Variants in SEMA3D observed in about 807,000 individuals in gnomAD.
The protein encoded by SEMA3D is semaphorin 3D.
SEMA3D carries 84 observed loss-of-function variants against 100.1 expected under a neutral mutation model. The observed-to-expected ratio is 0.84, with a 90% CI of 0.70 to 1.01. SEMA3D has a LOEUF of 1.01. Ranked by LOEUF, SEMA3D falls within the 50% of genes least tolerant of loss-of-function variation. The pLI, the probability that SEMA3D is intolerant of heterozygous loss-of-function variation, is 0.00. For synonymous variants in SEMA3D, 312 were observed against 320.7 expected (o/e 0.97, Z 0.29); for missense variants, 875 against 934.1 (o/e 0.94, Z 0.82).
chr7:85,024,340 A>G (rs1233760364), intron 12 of SEMA3D, among the ~76,000 whole-genome samples: 1 of 151,332 alleles, frequency 6.6e-6, no homozygotes, highest in Non-Finnish European at 1.5e-5. Flanking sequence ...AAGCCCTCCA[A>G]CTTAAGAAAA....
At chr7:85,141,591 T>G in intron 2 of SEMA3D, 1 of 984,096 alleles carries the variant, frequency 1.0e-6, no homozygotes. Flanking sequence ...TAAGTTCCCT[T>G]CTTTGTGATC....
intron 18 of SEMA3D, among the ~76,000 whole-genome samples, chr7:85,001,497 A>G (rs1789654428): frequency 1.3e-5 from 2 of 152,216 alleles, no homozygotes; most frequent in South Asian, 4.1e-4. Flanking sequence ...TCTTAAACAT[A>G]ACTGACAATC....
intron 4 of SEMA3D, among the ~76,000 whole-genome samples, chr7:85,097,509 T>A (rs1788597231): frequency 6.6e-6 from 1 of 151,886 alleles, no homozygotes; most frequent in South Asian, 2.1e-4. Flanking sequence ...AGTCTCAAAC[T>A]TTCCATTTCT....
At chr7:85,090,593 A>T (rs1482663744) in intron 4 of SEMA3D, among the ~76,000 whole-genome samples, 1 of 152,186 alleles carries the variant, frequency 6.6e-6, no homozygotes, top group Non-Finnish European at 1.5e-5. Context: ...TTTAAGTGAG[A>T]AGGTTATTTA....
chr7:85,028,218 A>G, intron 12 of SEMA3D: 1 of 677,790 alleles, frequency 1.5e-6, no homozygotes, highest in Admixed American at 2.1e-5. Context: ...AGGAAATTGC[A>G]AAAGTCTACC....
intron 1 of SEMA3D, among the ~76,000 whole-genome samples, chr7:85,172,367 A>C (rs1264607323): frequency 6.6e-6 from 1 of 152,052 alleles, no homozygotes; most frequent in South Asian, 2.1e-4. Flanking sequence ...GCATTCAACA[A>C]GTATTTTCTC....
chr7:85,206,380 G>C, the SEMA3D span, among the ~76,000 whole-genome samples: 3 of 152,106 alleles, frequency 2.0e-5, no homozygotes, highest in Non-Finnish European at 4.4e-5. Flanking sequence ...AAGGATGAAG[G>C]GGGGAAATAG....
intron 12 of SEMA3D, among the ~76,000 whole-genome samples, chr7:85,024,255 C>T (rs1180343552): frequency 1.3e-5 from 2 of 151,884 alleles, no homozygotes; most frequent in Non-Finnish European, 2.9e-5. Context: ...GCTTATAATG[C>T]CTATGGTTCA....
intron 5 of SEMA3D, 96 bp from the exon 6 acceptor site, chr7:85,073,177 A>G: frequency 9.3e-7 from 1 of 1,077,518 alleles, no homozygotes; most frequent in South Asian, 1.4e-5. Flanking sequence ...TCAATCTTCA[A>G]AAATAAGAGC....
At chr7:85,222,093 T>C in the SEMA3D span, among the ~76,000 whole-genome samples, 2 of 152,114 alleles carry the variant, frequency 1.3e-5, no homozygotes, top group Non-Finnish European at 2.9e-5. Context: ...TATTTTTACT[T>C]CTAGAATATA....
Position 85,105,028 on chromosome 7 carries a change from C to A in SEMA3D, c.152-7063G>T, listed in dbSNP as rs911673426. Among the ~76,000 whole-genome samples, 3 of 151,986 alleles carry A rather than the reference C, an allele frequency of 2.0e-5. No individual in the cohort carries two copies. In the South Asian group the frequency reaches 6.2e-4, roughly 31 times the overall value. ...ATATTCAGCACAAATTATTGCCCTG[C>A]CCACTTTTCTTTTTCCTTCAGGAAA... On this transcript the variant is annotated intron_variant, in intron 3 of 18. Transcript: ENST00000284136.
chr7:85,193,360 G>T, the SEMA3D span, among the ~76,000 whole-genome samples: 1 of 152,096 alleles, frequency 6.6e-6, no homozygotes, highest in Non-Finnish European at 1.5e-5. Flanking sequence ...TCCTGGAGCT[G>T]TAACTGGTCC....
At chr7:85,249,611 C>A in the SEMA3D span, among the ~76,000 whole-genome samples, 2 of 152,154 alleles carry the variant, frequency 1.3e-5, no homozygotes, top group Non-Finnish European at 2.9e-5. Context: ...AATTAAAAAA[C>A]AATTGAGGAC....
chr7:85,108,997 G>C (rs1789013052), intron 3 of SEMA3D, among the ~76,000 whole-genome samples: 1 of 150,324 alleles, frequency 6.7e-6, no homozygotes, highest in African/African-American at 2.4e-5. Context: ...AAATATCTTT[G>C]CTGTTATCTG....
chr7:85,054,487 A>C (rs891878629), intron 9 of SEMA3D, among the ~76,000 whole-genome samples: 20 of 152,238 alleles, frequency 1.3e-4, no homozygotes, highest in South Asian at 4.1e-4. Context: ...AGAGTCTGAA[A>C]GAATGAGAAT....
chr7:85,066,349 G>A (rs1791619617), intron 7 of SEMA3D, among the ~76,000 whole-genome samples: 2 of 151,794 alleles, frequency 1.3e-5, no homozygotes, highest in African/African-American at 2.4e-5. Flanking sequence ...AGAGGAAGAG[G>A]GGGAAAAGAG....
intron 2 of SEMA3D, among the ~76,000 whole-genome samples, chr7:85,122,442 G>A (rs1789454814): frequency 6.6e-6 from 1 of 152,046 alleles, no homozygotes; most frequent in Non-Finnish European, 1.5e-5. Context: ...AAACTATTTT[G>A]TTATTTAACA....
chr7:85,211,169 AT>A, the SEMA3D span, among the ~76,000 whole-genome samples: 1 of 152,016 alleles, frequency 6.6e-6, no homozygotes, highest in African/African-American at 2.4e-5. Flanking sequence ...GCAAACAACA[AT>A]TTCTGAAAAA....
Position 85,150,415 on chromosome 7 carries a change from T to TAC in SEMA3D, c.-41+3191_-41+3192dup, listed in dbSNP as rs942751164. ...ATATATTTACAGGGATATATATATA[T>TAC]ACACACACACACATATATTTACAGG... On this transcript the variant is annotated intron_variant, in intron 2 of 18. Coordinates refer to ENST00000284136, the MANE Select transcript of SEMA3D (RefSeq NM_001384900.1). Among the ~76,000 whole-genome samples the TAC allele has an allele frequency of 3.7e-3, 485 of 132,828 alleles. 4 individuals are homozygous for TAC. Among genetic ancestry groups the TAC allele is most frequent in the Middle Eastern group, 7.9e-3 (2 of 254 alleles). The allele number at this position is 132,828 out of a possible 152,430, so 87.1% of individuals were successfully genotyped here.
Sources: gnomAD v4.1 joint callset for allele counts (sites outside exome capture counted in the v4.1 genomes callset) on GRCh38, gnomAD v4.1.1 for gene constraint, MANE v1.5 for transcripts, NCBI Gene and HGNC (gene_info 2026-07-23, HGNC 2026-07-21) for gene names.